Variants in QSER1 observed in about 807,000 individuals in gnomAD.
QSER1 encodes the protein glutamine and serine rich 1, also known as glutamine and serine-rich protein 1.
Under a neutral mutation model 158.5 loss-of-function variants are expected in QSER1, and 49 were observed. The observed-to-expected ratio is 0.31, with a 90% CI of 0.25 to 0.39. The LOEUF (loss-of-function observed/expected upper bound fraction) is 0.39, where lower values mean the gene tolerates loss of function less well. Among genes scored for constraint, QSER1 ranks in the 10% least tolerant of loss-of-function variants. QSER1 has a pLI of 1.00. For synonymous variants in QSER1, 650 were observed against 715.5 expected, an observed-to-expected ratio of 0.91 and a Z score of 1.46; for missense variants, 1,754 against 2,010.3, an observed-to-expected ratio of 0.87 and a Z score of 2.44.
Position 32,907,596 on chromosome 11 carries a change from G to A in QSER1, c.209+14262G>A, listed in dbSNP as rs187994885. ...GTAGCACCCATACATTTGAATCATG[G>A]AAATATGAACTGTGTTACATGTTGA... On this transcript the variant is annotated intron_variant, in intron 1 of 12. Coordinates refer to ENST00000650167, the MANE Select transcript of QSER1 (RefSeq NM_001076786.3). Among the ~76,000 whole-genome samples the A allele has an allele frequency of 1.1e-4, 16 of 152,240 alleles. 1 individual carries two copies. The South Asian group carries it at 3.3e-3, about 32-fold the overall frequency.
At chr11:32,901,608 T>A (rs1851625977) in intron 1 of QSER1, among the ~76,000 whole-genome samples, 1 of 152,156 alleles carries the variant, frequency 6.6e-6, no homozygotes, top group Admixed American at 6.5e-5. Context: ...ACAGCATCAC[T>A]TCTGCCAGTC....
chr11:32,940,507 TG>T (rs1485201527), intron 4 of QSER1, among the ~76,000 whole-genome samples: 1 of 152,218 alleles, frequency 6.6e-6, no homozygotes, highest in Non-Finnish European at 1.5e-5. Context: ...AGGATTATGT[TG>T]GTCATACAAA....
intron 1 of QSER1, among the ~76,000 whole-genome samples, chr11:32,910,120 T>A (rs1417321638): frequency 1.3e-5 from 2 of 152,226 alleles, no homozygotes; most frequent in Non-Finnish European, 2.9e-5. Context: ...TTTCAGCTTC[T>A]CTATGTTCCA....
At chr11:32,944,026 G>T (rs952669820) in intron 4 of QSER1, among the ~76,000 whole-genome samples, 1 of 151,982 alleles carries the variant, frequency 6.6e-6, no homozygotes, top group Non-Finnish European at 1.5e-5. Flanking sequence ...TTTGCGTAGA[G>T]GTGTTTGTAG....
At chr11:32,909,934 A>G (rs942021258) in intron 1 of QSER1, among the ~76,000 whole-genome samples, 4 of 152,200 alleles carry the variant, frequency 2.6e-5, no homozygotes, top group African/African-American at 9.7e-5. Context: ...GTTTAAAAAA[A>G]TGTAATTTAG....
chr11:32,971,177 C>G (rs1852848915), intron 10 of QSER1, among the ~76,000 whole-genome samples: 1 of 152,044 alleles, frequency 6.6e-6, no homozygotes. Context: ...CTCTGCCTCC[C>G]AAAGTGCTGG....
chr11:32,945,668 C>A (rs1852319347), intron 4 of QSER1, among the ~76,000 whole-genome samples: 1 of 149,654 alleles, frequency 6.7e-6, no homozygotes, highest in African/African-American at 2.4e-5. Context: ...CTGCCCTTAA[C>A]ATTTTTTCCT....
At chr11:32,918,475 A>G (rs1396403099) in intron 1 of QSER1, among the ~76,000 whole-genome samples, 4 of 151,368 alleles carry the variant, frequency 2.6e-5, no homozygotes, top group Admixed American at 6.6e-5. Flanking sequence ...ATGAGGAGTG[A>G]GTTTGAGGGA....
intron 4 of QSER1, among the ~76,000 whole-genome samples, chr11:32,943,252 C>T (rs1415740582): frequency 6.6e-6 from 1 of 150,806 alleles, no homozygotes; most frequent in Non-Finnish European, 1.5e-5. Flanking sequence ...TTGCCCTGGC[C>T]AGAACTTCCA....
chr11:32,911,165 C>T (rs1851760631), intron 1 of QSER1, among the ~76,000 whole-genome samples: 1 of 152,114 alleles, frequency 6.6e-6, no homozygotes, highest in Non-Finnish European at 1.5e-5. Flanking sequence ...TCTTATTCTT[C>T]CTTATGGTTT....
Position 32,964,737 on chromosome 11 carries a change from TATACACACACAC to T in QSER1, c.4970-1561_4970-1550del, listed in dbSNP as rs1416729421. 1.1e-3 allele frequency among the ~76,000 whole-genome samples: 120 copies of T among 113,024 alleles called. 2 individuals carry two copies. The highest frequency in any genetic ancestry group is 3.2e-3 in the South Asian group (11 of 3,398). The allele number at this position is 113,024 out of a possible 152,430, so 74.1% of individuals were successfully genotyped here. ...AACACCATATATATATATATATATATATACACACACACACACACACACACACACACACACACA... is the reference window on the plus strand; with the variant it reads ...AACACCATATATATATATATATATATACACACACACACACACACACACACA... On this transcript the variant is annotated intron_variant, in intron 8 of 12. Coordinates refer to ENST00000650167, the MANE Select transcript of QSER1 (RefSeq NM_001076786.3).
Position 32,934,627 on chromosome 11 carries a change from T to G in QSER1, c.3369T>G (p.Pro1123=), listed in dbSNP as rs747253044. Residue 1123 remains proline, a synonymous_variant, in exon 4 of 13, where the codon CCT becomes CCG. Transcript: ENST00000650167. The stretch of plus-strand genomic sequence containing the variant: ...AATCTGAAGAAGACAGTGAAGCTCC[T>G]GTTGATAGTACATTAAATAATAACA... ...NLESEEDSEA[P]VDSTLNNNRN... The G allele has an allele frequency of 2.5e-6, 4 of 1,613,644 alleles. No individual in the cohort carries two copies. The African/African-American group carries it at 5.3e-5, about 22-fold the overall frequency.
rs780355852 is a variant in QSER1, at chr11:32,978,992, C to T, written c.*2518C>T. Reference sequence around the variant, plus strand: ...CAAACCTAGGTGGCATAGCCCACAACGTACCCAGGCTATATGGTAAACCTG... The same window carrying T: ...CAAACCTAGGTGGCATAGCCCACAATGTACCCAGGCTATATGGTAAACCTG... On this transcript the variant is annotated 3_prime_UTR_variant, in exon 13 of 13. Transcript: ENST00000650167. The T allele has an allele frequency of 5.9e-5, 9 of 152,300 alleles. No individual in the cohort carries two copies. Among genetic ancestry groups the T allele is most frequent in the South Asian group, 4.1e-4 (2 of 4,828 alleles). The allele number at this position is 152,300 out of a possible 1,614,324, so 9.4% of individuals were successfully genotyped here. A position where few individuals can be genotyped will look rare whatever the true frequency, so the allele number is the denominator to read the frequency against.
intron 3 of QSER1, among the ~76,000 whole-genome samples, chr11:32,928,581 C>T (rs1423223504): frequency 6.6e-6 from 1 of 152,090 alleles, no homozygotes; most frequent in Non-Finnish European, 1.5e-5. Context: ...ATGATGTGCC[C>T]ATTTTCCAGC....
intron 1 of QSER1, among the ~76,000 whole-genome samples, chr11:32,920,875 A>T (rs1284541244): frequency 6.6e-6 from 1 of 152,218 alleles, no homozygotes; most frequent in Non-Finnish European, 1.5e-5. Flanking sequence ...ATGTTGAGAA[A>T]TTATAACTTA....
rs748037570 is a variant in QSER1, at chr11:32,933,741, T to G, written c.2483T>G (p.Ile828Ser). 6 of 1,613,906 alleles carry G rather than the reference T, an allele frequency of 3.7e-6. No homozygotes were observed. In the African/African-American group the frequency reaches 8.0e-5, roughly 22 times the overall value. Reference sequence around the variant, plus strand: ...GTCCAGGAACAGCACGATCAAATAATTAATGCTTCATCTCAGATTCAAATT... The same window carrying G: ...GTCCAGGAACAGCACGATCAAATAAGTAATGCTTCATCTCAGATTCAAATT... Reference protein sequence around the residue: ...SKVQEQHDQIINASSQIQIPN... With the variant: ...SKVQEQHDQISNASSQIQIPN... Residue 828 changes from isoleucine (I) to serine (S), a missense_variant, in exon 4 of 13, where the codon ATT becomes AGT. By Grantham distance (142) the Ile-to-Ser change is moderately radical. This residue lies in a region of QSER1 where 1,707 missense variants were observed against 1,919.6 expected (regional missense o/e 0.89). Coordinates refer to ENST00000650167, the MANE Select transcript of QSER1 (RefSeq NM_001076786.3).
chr11:32,964,767 C>G (rs920843511), intron 8 of QSER1, among the ~76,000 whole-genome samples: 2 of 142,406 alleles, frequency 1.4e-5, no homozygotes, highest in Non-Finnish European at 3.1e-5. Flanking sequence ...CACACACACA[C>G]ACACACACAC....
intron 4 of QSER1, among the ~76,000 whole-genome samples, chr11:32,935,719 C>T (rs751062196): frequency 2.0e-5 from 3 of 152,210 alleles, no homozygotes; most frequent in Non-Finnish European, 4.4e-5. Flanking sequence ...AATTGAGGCA[C>T]TGTATTGTGG....
At position 32,934,041 on chromosome 11, in the gene QSER1, C is replaced by T. The variant is rs1351069389; in HGVS notation, c.2783C>T (p.Ser928Phe). The change falls in exon 4 of 13, where the codon TCT becomes TTT. Residue 928 changes from serine to phenylalanine, a missense_variant. Physicochemically the swap from Ser to Phe is radical, Grantham distance 155 (BLOSUM62 -2). This residue lies in a region of QSER1 where 1,707 missense variants were observed against 1,919.6 expected (regional missense o/e 0.89). Coordinates refer to ENST00000650167, the MANE Select transcript of QSER1 (RefSeq NM_001076786.3). ...TCTGAAGTTATGAAAATGGACCTCT[C>T]TGAGTCTTCAAAACCATTACAACAA... is the stretch of plus-strand genomic sequence containing the variant. Reference protein sequence around the residue: ...QNSEVMKMDLSESSKPLQQHL... With the variant: ...QNSEVMKMDLFESSKPLQQHL... The T allele has an allele frequency of 1.2e-6, 2 of 1,613,708 alleles. No homozygotes were observed. The highest frequency in any genetic ancestry group is 2.2e-5 in the East Asian group (1 of 44,884).
Sources: allele counts gnomAD v4.1 joint callset (sites outside exome capture counted in the v4.1 genomes callset), GRCh38; gene constraint gnomAD v4.1.1; regional missense constraint gnomAD v4.1.1; transcripts MANE v1.5; gene names NCBI Gene and HGNC (gene_info 2026-07-23, HGNC 2026-07-21).